MACC1: variants seen among roughly 807,000 people sequenced by gnomAD.
The protein encoded by MACC1 is metastasis-associated in colon cancer protein 1.
A neutral mutation model predicts 70.7 loss-of-function variants in MACC1; 79 were observed. That is an observed-to-expected ratio of 1.12 (90% confidence interval 0.93 to 1.35). The LOEUF (loss-of-function observed/expected upper bound fraction) is 1.35. Ranked by LOEUF, MACC1 falls within the 40% of genes most tolerant of loss-of-function variation. MACC1 has a pLI of 0.00. For synonymous variants in MACC1, 361 were observed against 347.2 expected, an observed-to-expected ratio of 1.04 and a Z score of -0.44; for missense variants, 1,106 against 978.1, an observed-to-expected ratio of 1.13 and a Z score of -1.74.
At chr7:20,155,941 G>A (rs1782048744) in intron 5 of MACC1, among the ~76,000 whole-genome samples, 1 of 152,182 alleles carries the variant, frequency 6.6e-6, no homozygotes, top group Non-Finnish European at 1.5e-5. Flanking sequence ...CATAGTATAA[G>A]ACTTTACATG....
chr7:20,180,461 G>GA (rs907667580), intron 1 of MACC1, among the ~76,000 whole-genome samples: 34 of 148,636 alleles, frequency 2.3e-4, no homozygotes, highest in African/African-American at 5.9e-4. Context: ...AAAAAAAAAA[G>GA]AAAAAAAAAT....
Position 20,159,479 on chromosome 7 carries a change from A to G in MACC1, c.882T>C (p.Ala294=), listed in dbSNP as rs778668023. The G allele has an allele frequency of 3.7e-6, 6 of 1,614,096 alleles. No homozygotes were observed. In the East Asian group the frequency reaches 1.1e-4, roughly 30 times the overall value. Residue 294 remains alanine, a synonymous_variant, in exon 5 of 7, where the codon GCT becomes GCC. Coordinates refer to ENST00000400331, the MANE Select transcript of MACC1 (RefSeq NM_182762.4). ...EALLLEMKIG[A]EVRKDPFSQV... is the part of the protein sequence containing the mutation. ...GGCTGAAAGGATCCTTTCTTACTTC[A>G]GCCCCAATTTTCATCTCCAGCAAAA... is the stretch of plus-strand genomic sequence containing the variant.
At chr7:20,151,547 A>C (rs1182241958) in intron 6 of MACC1, among the ~76,000 whole-genome samples, 1 of 152,222 alleles carries the variant, frequency 6.6e-6, no homozygotes, top group Non-Finnish European at 1.5e-5. Flanking sequence ...GTCATTAGAA[A>C]AGTCGAGTAA....
At chr7:20,195,595 C>T (rs995656431) in intron 1 of MACC1, among the ~76,000 whole-genome samples, 5 of 152,144 alleles carry the variant, frequency 3.3e-5, no homozygotes, top group African/African-American at 1.2e-4. Context: ...TACAATTAGG[C>T]CCTATACATC....
At chr7:20,196,846 G>A (rs980553740) in intron 1 of MACC1, among the ~76,000 whole-genome samples, 3 of 152,050 alleles carry the variant, frequency 2.0e-5, no homozygotes, top group African/African-American at 7.2e-5. Flanking sequence ...AAAGGTAAAA[G>A]GATCAAAGCC....
chr7:20,160,261 A>G lies in MACC1; in HGVS notation c.116-16T>C, dbSNP rs374638494. 5.8e-5 allele frequency: 88 copies of G among 1,525,826 alleles called. No individual in the cohort carries two copies. In the East Asian group the frequency reaches 2.0e-3, roughly 34 times the overall value. 94.5% of individuals were successfully genotyped at this position (1,525,826 alleles called of 1,614,324 possible). A position where few individuals can be genotyped will look rare whatever the true frequency, so the allele number is the denominator to read the frequency against. On this transcript the variant is annotated splice_polypyrimidine_tract_variant and intron_variant, in intron 4 of 6. Coordinates refer to ENST00000400331, the MANE Select transcript of MACC1 (RefSeq NM_182762.4). ...TCCTGGCATTCTTGTTATTTAAGGA[A>G]AGACAAAGCAAAACAAAGATAAGGT...
chr7:20,140,852 C>CAGACACACAG lies in MACC1; in HGVS notation c.*84_*93dup, dbSNP rs1391974486. On this transcript the variant is annotated 3_prime_UTR_variant, in exon 7 of 7. Coordinates refer to ENST00000400331, the MANE Select transcript of MACC1 (RefSeq NM_182762.4). ...ACACACACACACAGACACACACACA[C>CAGACACACAG]AGACACACAGAGACACACACAGACA... 1.1e-6 allele frequency: 1 copy of CAGACACACAG among 873,826 alleles called. No homozygotes were observed. Among genetic ancestry groups the CAGACACACAG allele is most frequent in the Non-Finnish European group, 1.8e-6 (1 of 562,030 alleles). The allele number at this position is 873,826 out of a possible 1,614,324, so 54.1% of individuals were successfully genotyped here. A position where few individuals can be genotyped will look rare whatever the true frequency, so the allele number is the denominator to read the frequency against.
At chr7:20,143,623 T>A (rs1004014447) in intron 6 of MACC1, among the ~76,000 whole-genome samples, 2 of 151,876 alleles carry the variant, frequency 1.3e-5, no homozygotes, top group Non-Finnish European at 2.9e-5. Flanking sequence ...TCTCCTGACC[T>A]CATGATCCGC....
intron 1 of MACC1, among the ~76,000 whole-genome samples, chr7:20,201,701 GTGGT>G (rs1782835646): frequency 6.6e-6 from 1 of 151,242 alleles, no homozygotes; most frequent in African/African-American, 2.4e-5. Context: ...AACTAGGAAA[GTGGT>G]TGTAAGAATG....
chr7:20,200,968 A>G (rs1338465943), intron 1 of MACC1, among the ~76,000 whole-genome samples: 3 of 152,224 alleles, frequency 2.0e-5, no homozygotes, highest in Non-Finnish European at 2.9e-5. Context: ...TCCTCTCCCT[A>G]TTAAAAACTT....
chr7:20,199,302 G>A (rs1782800062), intron 1 of MACC1, among the ~76,000 whole-genome samples: 1 of 152,240 alleles, frequency 6.6e-6, no homozygotes, highest in South Asian at 2.1e-4. Context: ...CAGATAAAGA[G>A]TTGGCAAGGT....
chr7:20,197,986 G>A (rs1782780349), intron 1 of MACC1, among the ~76,000 whole-genome samples: 1 of 152,102 alleles, frequency 6.6e-6, no homozygotes, highest in South Asian at 2.1e-4. Flanking sequence ...CAATTTCAAT[G>A]ATCCTAAGAG....
At chr7:20,199,141 T>A (rs1384255559) in intron 1 of MACC1, among the ~76,000 whole-genome samples, 1 of 152,238 alleles carries the variant, frequency 6.6e-6, no homozygotes, top group Non-Finnish European at 1.5e-5. Flanking sequence ...TCCTCAGGAC[T>A]ATCTCAGGAG....
intron 1 of MACC1, among the ~76,000 whole-genome samples, chr7:20,191,548 G>C (rs140619043): frequency 2.0e-5 from 3 of 152,292 alleles, no homozygotes; most frequent in African/African-American, 7.2e-5. Context: ...TAGCCAAGGG[G>C]AGTGCCACTG....
intron 1 of MACC1, among the ~76,000 whole-genome samples, chr7:20,205,509 T>A (rs1304684399): frequency 1.3e-5 from 2 of 152,164 alleles, no homozygotes; most frequent in Non-Finnish European, 1.5e-5. Context: ...CAATCTATTT[T>A]TTTTTTGTAG....
intron 1 of MACC1, among the ~76,000 whole-genome samples, chr7:20,183,334 A>T (rs1192745797): frequency 6.6e-6 from 1 of 152,232 alleles, no homozygotes; most frequent in Non-Finnish European, 1.5e-5. Context: ...TCAGTCCTAC[A>T]GCTGCAAGAA....
intron 1 of MACC1, among the ~76,000 whole-genome samples, chr7:20,173,621 C>T (rs1782345672): frequency 1.3e-5 from 2 of 152,186 alleles, no homozygotes; most frequent in African/African-American, 4.8e-5. Context: ...AAATAGAGTG[C>T]GACCTCAGCC....
At chr7:20,189,093 C>T (rs2128106819) in intron 1 of MACC1, among the ~76,000 whole-genome samples, 1 of 152,208 alleles carries the variant, frequency 6.6e-6, no homozygotes, top group Admixed American at 6.5e-5. Context: ...CACTCTTTCC[C>T]CTGATATGTG....
At chr7:20,143,372 T>G (rs1178907218) in intron 6 of MACC1, among the ~76,000 whole-genome samples, 1 of 152,120 alleles carries the variant, frequency 6.6e-6, no homozygotes, top group Non-Finnish European at 1.5e-5. Context: ...TGGCAATTTG[T>G]TGTTGTTGTT....
Sources: gnomAD v4.1 joint callset for allele counts (sites outside exome capture counted in the v4.1 genomes callset) on GRCh38, gnomAD v4.1.1 for gene constraint, MANE v1.5 for transcripts, NCBI Gene and HGNC (gene_info 2026-07-23, HGNC 2026-07-21) for gene names.